Variants in FRMPD1 observed in about 807,000 individuals in gnomAD.
FRMPD1 encodes FERM and PDZ domain containing 1, also known as FERM and PDZ domain-containing protein 1.
FRMPD1 carries 76 observed loss-of-function variants against 117.8 expected under a neutral mutation model. The observed-to-expected ratio is 0.65, with a 90% CI of 0.54 to 0.78. FRMPD1 has a LOEUF of 0.78. Among genes scored for constraint, FRMPD1 ranks in the 30% least tolerant of loss-of-function variants. FRMPD1 has a pLI of 0.00. For missense variants in FRMPD1, 1,786 were observed against 1,964.5 expected, an observed-to-expected ratio of 0.91 and a Z score of 1.72; for synonymous variants, 783 against 770.4, an observed-to-expected ratio of 1.02 and a Z score of -0.27.
chr9:37,613,967 A>G, the FRMPD1 span, among the ~76,000 whole-genome samples: 1 of 152,270 alleles, frequency 6.6e-6, no homozygotes, highest in African/African-American at 2.4e-5. Context: ...AATATTTGTC[A>G]AATGACTGAA....
the FRMPD1 span, among the ~76,000 whole-genome samples, chr9:37,627,217 T>C: frequency 1.3e-5 from 2 of 152,186 alleles, no homozygotes; most frequent in Non-Finnish European, 2.9e-5. Flanking sequence ...TTGCAGAATT[T>C]CCCTCATCTT....
the FRMPD1 span, among the ~76,000 whole-genome samples, chr9:37,626,642 A>AAAAAAAAAAAAAAAAAAAAAAAAAATGG: frequency 6.8e-6 from 1 of 146,312 alleles, no homozygotes; most frequent in Non-Finnish European, 1.5e-5. Context: ...AAAAAAAAAA[A>AAAAAAAAAAAAAAAAAAAAAAAAAATGG]GCTGGAGGTG....
In FRMPD1 at chr9:37,708,407, G is replaced by A; in HGVS notation, c.268G>A (p.Ala90Thr). The change falls in exon 4 of 16, where the codon GCT becomes ACT. Residue 90 changes from alanine (A) to threonine (T), a missense_variant. Coordinates refer to ENST00000377765, the MANE Select transcript of FRMPD1 (RefSeq NM_014907.3). Reference sequence around the variant, plus strand: ...TATTTTCTGTCCAACAGGAGGCTCTGCTCACGGCAAGCTTTTCCCTGGTGA... The same window carrying A: ...TATTTTCTGTCCAACAGGAGGCTCTACTCACGGCAAGCTTTTCCCTGGTGA... ...TVVAVTAGGS[A>T]HGKLFPGDQI... 1 of 1,607,594 alleles carries A rather than the reference G, an allele frequency of 6.2e-7. No homozygotes were observed. The highest frequency in any genetic ancestry group is 8.5e-7 in the Non-Finnish European group (1 of 1,174,084).
Position 37,724,326 on chromosome 9 carries a change from A to G in FRMPD1, c.612+6A>G, listed in dbSNP as rs1431841616. On this transcript the variant is annotated splice_donor_region_variant and intron_variant, in intron 7 of 15. Transcript: ENST00000377765. The stretch of plus-strand genomic sequence containing the variant: ...AGGCAAACACAACCGTGAAGGTATT[A>G]AGAATAAACTTGAACTTCTTTTCCC... 11 of 1,465,520 alleles carry G rather than the reference A, an allele frequency of 7.5e-6. No homozygotes were observed. Among genetic ancestry groups the G allele is most frequent in the Non-Finnish European group, 1.1e-5 (11 of 1,044,542 alleles). The allele number at this position is 1,465,520 out of a possible 1,614,324, so 90.8% of individuals were successfully genotyped here.
the FRMPD1 span, among the ~76,000 whole-genome samples, chr9:37,634,577 A>G: frequency 6.6e-6 from 1 of 152,118 alleles, no homozygotes; most frequent in Non-Finnish European, 1.5e-5. Flanking sequence ...GCCCTGCTGC[A>G]ATGCACAGCT....
At chr9:37,728,874 A>G (rs1823731418) in intron 7 of FRMPD1, among the ~76,000 whole-genome samples, 2 of 151,786 alleles carry the variant, frequency 1.3e-5, no homozygotes, top group Admixed American at 6.6e-5. Context: ...GAGACATGAG[A>G]ATTGCTTGAA....
chr9:37,639,777 C>T, the FRMPD1 span, among the ~76,000 whole-genome samples: 1 of 152,202 alleles, frequency 6.6e-6, no homozygotes, highest in African/African-American at 2.4e-5. Context: ...CCTCCCGCCT[C>T]AGCCACCCAA....
chr9:37,642,098 A>G, the FRMPD1 span, among the ~76,000 whole-genome samples: 2 of 152,206 alleles, frequency 1.3e-5, no homozygotes, highest in Admixed American at 1.3e-4. Flanking sequence ...CATGGGAAAT[A>G]TGCTCCAAAA....
chr9:37,709,382 C>T (rs1240720983), intron 4 of FRMPD1, among the ~76,000 whole-genome samples: 1 of 148,622 alleles, frequency 6.7e-6, no homozygotes, highest in Non-Finnish European at 1.5e-5. Context: ...GAGATGGGGA[C>T]TTGCTGTGTT....
chr9:37,738,327 C>CAAA (rs201740981), intron 14 of FRMPD1, among the ~76,000 whole-genome samples: 27,990 of 151,960 alleles, frequency 0.18, 2,755 homozygotes, highest in Admixed American at 0.22. Flanking sequence ...TTTGGAGTAT[C>CAAA]TGTTACCTTT....
the FRMPD1 span, among the ~76,000 whole-genome samples, chr9:37,645,321 A>G: frequency 6.6e-6 from 1 of 152,174 alleles, no homozygotes; most frequent in African/African-American, 2.4e-5. Flanking sequence ...CAAATATCTT[A>G]TTGCCTTCCT....
the FRMPD1 span, among the ~76,000 whole-genome samples, chr9:37,630,186 C>T: frequency 3.9e-5 from 6 of 152,118 alleles, no homozygotes; most frequent in Non-Finnish European, 8.8e-5. Context: ...CACAATCATT[C>T]GGTCCATAGC....
chr9:37,735,359 G>A (rs549742237), intron 12 of FRMPD1, among the ~76,000 whole-genome samples, 193 bp from the exon 13 acceptor site: 6 of 152,316 alleles, frequency 3.9e-5, no homozygotes, highest in East Asian at 1.9e-4. Flanking sequence ...ATTGGAAAGA[G>A]TTTTGGGGAA....
chr9:37,707,996 G>A (rs7032896), intron 3 of FRMPD1, among the ~76,000 whole-genome samples: 5,837 of 152,320 alleles, frequency 0.038, 446 homozygotes, highest in East Asian at 0.36. Context: ...AGAGGAGCAG[G>A]TGGGGAAAGT....
At chr9:37,609,013 G>T in the FRMPD1 span, among the ~76,000 whole-genome samples, 23 of 152,272 alleles carry the variant, frequency 1.5e-4, no homozygotes, top group Non-Finnish European at 1.3e-4. Context: ...ATCTCAGGCC[G>T]GGCATGGTGG....
At chr9:37,605,888 G>A in the FRMPD1 span, among the ~76,000 whole-genome samples, 1 of 151,956 alleles carries the variant, frequency 6.6e-6, no homozygotes, top group Non-Finnish European at 1.5e-5. Context: ...TAAATTTTAT[G>A]TAGAAGCAGG....
chr9:37,618,657 C>A, the FRMPD1 span, among the ~76,000 whole-genome samples: 3 of 152,138 alleles, frequency 2.0e-5, no homozygotes, highest in Non-Finnish European at 4.4e-5. Flanking sequence ...CAATCATACA[C>A]CTCTCCCTGA....
At chr9:37,629,295 G>C in the FRMPD1 span, among the ~76,000 whole-genome samples, 1 of 152,144 alleles carries the variant, frequency 6.6e-6, no homozygotes, top group Non-Finnish European at 1.5e-5. Context: ...ATGCACATTC[G>C]AGTTTGAGAC....
intron 1 of FRMPD1, among the ~76,000 whole-genome samples, chr9:37,691,274 G>A (rs777017699): frequency 1.1e-4 from 16 of 152,292 alleles, no homozygotes; most frequent in Non-Finnish European, 2.1e-4. Context: ...AGAGATAGTT[G>A]TCTAGGTAGG....
Sources: allele counts gnomAD v4.1 joint callset (sites outside exome capture counted in the v4.1 genomes callset), GRCh38; gene constraint gnomAD v4.1.1; transcripts MANE v1.5; gene names NCBI Gene and HGNC (gene_info 2026-07-23, HGNC 2026-07-21).